The following ARHGAP6 variants were observed in gnomAD, a reference collection of about 807,000 sequenced individuals.
ARHGAP6 encodes rho GTPase-activating protein 6.
Under a neutral mutation model 55.7 loss-of-function variants are expected in ARHGAP6, and 16 were observed. The observed-to-expected ratio is 0.29, with a 90% CI of 0.19 to 0.44. The LOEUF (loss-of-function observed/expected upper bound fraction) is 0.44, where lower values mean the gene tolerates loss of function less well. Among genes scored for constraint, ARHGAP6 ranks in the 20% least tolerant of loss-of-function variants. ARHGAP6 has a pLI of 1.00. For missense variants in ARHGAP6, 698 were observed against 808.9 expected (o/e 0.86, Z 1.66); for synonymous variants, 382 against 360.9 (o/e 1.06, Z -0.66).
At chrX:11,312,696 GATT>G (rs1247152382) in intron 1 of ARHGAP6, among the ~76,000 whole-genome samples, 1 of 111,448 alleles carries the variant, frequency 9.0e-6, no homozygotes. Context: ...TGATGATGAT[GATT>G]ATTATTATTA....
intron 1 of ARHGAP6, among the ~76,000 whole-genome samples, chrX:11,564,017 A>G (rs2051415763): frequency 9.0e-6 from 1 of 111,459 alleles, no homozygotes; most frequent in Admixed American, 9.6e-5. Flanking sequence ...TTTTGTTGAC[A>G]TGTTAGCTTA....
At chrX:11,215,446 C>G (rs1602883976) in intron 2 of ARHGAP6, among the ~76,000 whole-genome samples, 2 of 113,282 alleles carry the variant, frequency 1.8e-5, no homozygotes, top group African/African-American at 6.4e-5. Context: ...GCTGTACAGG[C>G]CAGGACAGGA....
At chrX:11,586,809 A>G (rs1408317991) in intron 1 of ARHGAP6, among the ~76,000 whole-genome samples, 2 of 111,902 alleles carry the variant, frequency 1.8e-5, no homozygotes, top group African/African-American at 3.2e-5. Flanking sequence ...ATGAGCATAG[A>G]ATGTTTTTAC....
chrX:11,354,791 C>T (rs2048912689), intron 1 of ARHGAP6, among the ~76,000 whole-genome samples: 1 of 111,267 alleles, frequency 9.0e-6, no homozygotes, highest in African/African-American at 3.3e-5. Context: ...GCAAATCTAC[C>T]ACCACAGGTA....
intron 8 of ARHGAP6, 138 bp downstream of exon 8, chrX:11,177,962 T>A: frequency 6.4e-6 from 5 of 783,437 alleles, no homozygotes; most frequent in Non-Finnish European, 9.3e-6. Flanking sequence ...CCTGCATTAG[T>A]CTCTTCCTAC....
At chrX:11,476,242 A>G (rs948822738) in intron 1 of ARHGAP6, among the ~76,000 whole-genome samples, 1 of 111,616 alleles carries the variant, frequency 9.0e-6, no homozygotes, top group African/African-American at 3.2e-5. Context: ...CTGAATTTCT[A>G]TTTGTAATCA....
chrX:11,487,172 T>C (rs1479554962), intron 1 of ARHGAP6, among the ~76,000 whole-genome samples: 1 of 112,469 alleles, frequency 8.9e-6, no homozygotes, highest in African/African-American at 3.2e-5. Flanking sequence ...TGTAGATGTA[T>C]GTACATATAT....
At chrX:11,442,278 A>T (rs183858446) in intron 1 of ARHGAP6, among the ~76,000 whole-genome samples, 5 of 110,851 alleles carry the variant, frequency 4.5e-5, no homozygotes, top group African/African-American at 6.6e-5. Flanking sequence ...GGTGATTTTT[A>T]AAAAAGACCT....
At chrX:11,554,855 C>T (rs769066776) in intron 1 of ARHGAP6, among the ~76,000 whole-genome samples, 7 of 111,767 alleles carry the variant, frequency 6.3e-5, no homozygotes, top group East Asian at 5.6e-4. Flanking sequence ...AGTGTCAAAA[C>T]GCAGGAAGGA....
chrX:11,305,858 C>T (rs1470475539), intron 1 of ARHGAP6, among the ~76,000 whole-genome samples: 4 of 111,792 alleles, frequency 3.6e-5, no homozygotes, highest in Admixed American at 9.5e-5. Context: ...CAGAATAAAA[C>T]CCCTACAGCC....
intron 1 of ARHGAP6, among the ~76,000 whole-genome samples, chrX:11,326,127 CTTTCT>C (rs756899838): frequency 2.4e-3 from 111 of 46,968 alleles, no homozygotes; most frequent in Middle Eastern, 0.017. Context: ...TTCTTTCTTT[CTTTCT>C]TTTTTTTTTT....
At chrX:11,248,069 T>G (rs1056657324) in intron 2 of ARHGAP6, among the ~76,000 whole-genome samples, 2 of 111,889 alleles carry the variant, frequency 1.8e-5, no homozygotes, top group African/African-American at 6.5e-5. Context: ...GGTAACAAAT[T>G]AAGCTCATCA....
intron 8 of ARHGAP6, among the ~76,000 whole-genome samples, chrX:11,173,702 T>C (rs1242296357): frequency 8.9e-6 from 1 of 112,579 alleles, no homozygotes; most frequent in Non-Finnish European, 1.9e-5. Flanking sequence ...CAACAATTTT[T>C]CTCATGCCCT....
intron 1 of ARHGAP6, among the ~76,000 whole-genome samples, chrX:11,309,254 G>T (rs1016528626): frequency 9.0e-6 from 1 of 111,656 alleles, no homozygotes; most frequent in Admixed American, 9.5e-5. Flanking sequence ...CCTCTCCAGG[G>T]TTCTTACACC....
chrX:11,358,446 T>TTTCG (rs1437785577), intron 1 of ARHGAP6, among the ~76,000 whole-genome samples: 1 of 85,063 alleles, frequency 1.2e-5, no homozygotes, highest in Admixed American at 1.3e-4. Context: ...TCTTTCTTTC[T>TTTCG]TTCTTTCTTT....
At chrX:11,401,502 C>T (rs753050198) in intron 1 of ARHGAP6, among the ~76,000 whole-genome samples, 18 of 111,330 alleles carry the variant, frequency 1.6e-4, no homozygotes, top group Non-Finnish European at 2.6e-4. Context: ...CATCTCTGAC[C>T]TCTACTTGCT....
At chrX:11,223,534 C>A (rs768944904) in intron 2 of ARHGAP6, among the ~76,000 whole-genome samples, 3 of 111,412 alleles carry the variant, frequency 2.7e-5, no homozygotes, top group African/African-American at 9.7e-5. Context: ...AATTTTTATC[C>A]ATTTCTAGAA....
At chrX:11,573,121 A>C (rs12011698) in intron 1 of ARHGAP6, among the ~76,000 whole-genome samples, 51 of 111,104 alleles carry the variant, frequency 4.6e-4, no homozygotes, top group African/African-American at 1.2e-3. Flanking sequence ...AAAATGTTCT[A>C]CCATTTTGTA....
intron 2 of ARHGAP6, among the ~76,000 whole-genome samples, chrX:11,247,168 T>C (rs2147471185): frequency 9.0e-6 from 1 of 111,607 alleles, no homozygotes; most frequent in East Asian, 2.8e-4. Context: ...TTTTGAGGCA[T>C]TGGGGTACTC....
Sources: gnomAD v4.1 joint callset for allele counts (sites outside exome capture counted in the v4.1 genomes callset) on GRCh38, gnomAD v4.1.1 for gene constraint, MANE v1.5 for transcripts, NCBI Gene and HGNC (gene_info 2026-07-23, HGNC 2026-07-21) for gene names.